The following MAMDC2 variants were observed in gnomAD, a reference collection of about 807,000 sequenced individuals.
The protein encoded by MAMDC2 is MAM domain-containing protein 2.
In MAMDC2, 57 loss-of-function variants were observed where a neutral mutation model predicts 89.8. The ratio of observed to expected loss-of-function variants is 0.63; its 90% CI spans 0.51 to 0.79. The LOEUF (loss-of-function observed/expected upper bound fraction) is 0.79, where lower values mean the gene tolerates loss of function less well. Ranked by LOEUF, MAMDC2 falls within the 30% of genes least tolerant of loss-of-function variation. MAMDC2 has a pLI of 0.00. For synonymous variants in MAMDC2, 313 were observed against 293.4 expected (o/e 1.07, Z -0.68); for missense variants, 800 against 820.6 (o/e 0.97, Z 0.31).
intron 2 of MAMDC2, among the ~76,000 whole-genome samples, chr9:70,074,769 A>G (rs1563942184): frequency 6.6e-6 from 1 of 152,248 alleles, no homozygotes; most frequent in Non-Finnish European, 1.5e-5. Flanking sequence ...AGGTCAAGAG[A>G]GAGATCCTGG....
chr9:70,096,318 G>C (rs985558483), intron 2 of MAMDC2, among the ~76,000 whole-genome samples: 3 of 152,066 alleles, frequency 2.0e-5, no homozygotes, highest in Non-Finnish European at 2.9e-5. Flanking sequence ...GCACCAGTCT[G>C]GGACTTTAAA....
chr9:70,088,663 A>ACCAGT (rs909990250), intron 2 of MAMDC2: 2 of 150,954 alleles, frequency 1.3e-5, no homozygotes, highest in African/African-American at 4.9e-5. Flanking sequence ...TACTAGATTC[A>ACCAGT]CCAGTACAAC....
At chr9:70,130,032 GT>G (rs2030730332) in intron 6 of MAMDC2, among the ~76,000 whole-genome samples, 1 of 151,866 alleles carries the variant, frequency 6.6e-6, no homozygotes, top group Non-Finnish European at 1.5e-5. Context: ...GTGTGTGTGT[GT>G]GTGTGTGTGT....
chr9:70,218,314 C>T, intron 11 of MAMDC2, 23 bp from the exon 12 acceptor site: 1 of 1,584,316 alleles, frequency 6.3e-7, no homozygotes, highest in Non-Finnish European at 8.6e-7. Flanking sequence ...TTTAACAATA[C>T]CTGCTTTTGC....
intron 11 of MAMDC2, among the ~76,000 whole-genome samples, chr9:70,206,481 C>T (rs1365132673): frequency 6.6e-6 from 1 of 152,066 alleles, no homozygotes; most frequent in Non-Finnish European, 1.5e-5. Flanking sequence ...AAACTATATC[C>T]TGAAGGATAT....
chr9:70,217,263 G>A, intron 11 of MAMDC2: 1 of 1,039,700 alleles, frequency 9.6e-7, no homozygotes, highest in South Asian at 1.3e-5. Flanking sequence ...ACTACGCCAG[G>A]ACCGACGGGA....
chr9:70,222,074 T>C (rs541100850), intron 12 of MAMDC2, among the ~76,000 whole-genome samples: 67 of 152,306 alleles, frequency 4.4e-4, no homozygotes, highest in Middle Eastern at 3.4e-3. Context: ...GCTTAGGCTA[T>C]GCAGCAGAGG....
At chr9:70,208,487 T>C (rs564291091) in intron 11 of MAMDC2, among the ~76,000 whole-genome samples, 2 of 152,334 alleles carry the variant, frequency 1.3e-5, no homozygotes, top group East Asian at 1.9e-4. Context: ...TGATTTTGTA[T>C]CCTGAGACTT....
intron 2 of MAMDC2, among the ~76,000 whole-genome samples, chr9:70,076,751 T>C (rs528164777): frequency 9.2e-5 from 14 of 152,286 alleles, no homozygotes; most frequent in African/African-American, 3.4e-4. Flanking sequence ...ATGTTTTATT[T>C]TGTACTCTAG....
chr9:70,087,436 A>AGAT (rs1182438223), intron 2 of MAMDC2: 4 of 152,176 alleles, frequency 2.6e-5, no homozygotes, highest in Non-Finnish European at 5.9e-5. Flanking sequence ...GGACTCCAGC[A>AGAT]GATGGAAGCA....
intron 2 of MAMDC2, among the ~76,000 whole-genome samples, chr9:70,047,080 A>C (rs1826771524): frequency 1.3e-5 from 2 of 152,246 alleles, no homozygotes; most frequent in African/African-American, 4.8e-5. Flanking sequence ...CTGCAAATGC[A>C]CTTCTTCCTG....
At chr9:70,183,010 C>T (rs928299507) in intron 11 of MAMDC2, among the ~76,000 whole-genome samples, 29 of 152,296 alleles carry the variant, frequency 1.9e-4, no homozygotes, top group Admixed American at 1.6e-3. Flanking sequence ...CCCTCTAATG[C>T]TGCTTTGGCT....
At chr9:70,159,520 A>G (rs536288353) in intron 9 of MAMDC2, among the ~76,000 whole-genome samples, 1 of 152,320 alleles carries the variant, frequency 6.6e-6, no homozygotes, top group South Asian at 2.1e-4. Context: ...GGGCAAAGTC[A>G]GCATTCTTAT....
At chr9:70,210,570 G>A (rs1175104741) in intron 11 of MAMDC2, among the ~76,000 whole-genome samples, 3 of 152,110 alleles carry the variant, frequency 2.0e-5, no homozygotes, top group Admixed American at 1.3e-4. Context: ...ACACTGATGG[G>A]TCTTGACTCT....
intron 11 of MAMDC2, among the ~76,000 whole-genome samples, chr9:70,205,558 G>A (rs1453717712): frequency 1.3e-5 from 2 of 152,296 alleles, no homozygotes; most frequent in South Asian, 2.1e-4. Context: ...TGGAGGAACA[G>A]CTGCTTCACA....
intron 12 of MAMDC2, among the ~76,000 whole-genome samples, chr9:70,224,120 T>C (rs2033609619): frequency 6.6e-6 from 1 of 152,206 alleles, no homozygotes. Context: ...TCCTTTTATC[T>C]AGGTGTGTTA....
At chr9:70,202,125 G>A (rs1189048357) in intron 11 of MAMDC2, among the ~76,000 whole-genome samples, 12 of 151,818 alleles carry the variant, frequency 7.9e-5, no homozygotes, top group Non-Finnish European at 1.3e-4. Context: ...TTGCTTTTCT[G>A]GTTCTTTTAA....
intron 11 of MAMDC2, among the ~76,000 whole-genome samples, chr9:70,204,152 T>A (rs2033166674): frequency 6.6e-6 from 1 of 151,062 alleles, no homozygotes; most frequent in South Asian, 2.1e-4. Flanking sequence ...GAGTTTCCAG[T>A]TTTTCTGTTC....
At chr9:70,183,877 T>C (rs2032695617) in intron 11 of MAMDC2, among the ~76,000 whole-genome samples, 1 of 152,316 alleles carries the variant, frequency 6.6e-6, no homozygotes, top group Admixed American at 6.5e-5. Context: ...GATTCTGTCA[T>C]TATGTGAATT....
Sources: allele counts gnomAD v4.1 joint callset (sites outside exome capture counted in the v4.1 genomes callset), GRCh38; gene constraint gnomAD v4.1.1; transcripts MANE v1.5; gene names NCBI Gene and HGNC (gene_info 2026-07-23, HGNC 2026-07-21).